NCAM2: variants seen among roughly 807,000 people sequenced by gnomAD.
The protein encoded by NCAM2 is neural cell adhesion molecule 2, also known as N-CAM-2.
Under a neutral mutation model 98.1 loss-of-function variants are expected in NCAM2, and 30 were observed. The observed-to-expected ratio is 0.31, with a 90% CI of 0.23 to 0.41. The LOEUF is 0.41. Among genes scored for constraint, NCAM2 ranks in the 10% least tolerant of loss-of-function variants. The pLI, the probability that NCAM2 is intolerant of heterozygous loss-of-function variation, is 1.00. For missense variants in NCAM2, 867 were observed against 1,005.8 expected (o/e 0.86, Z 1.87); for synonymous variants, 368 against 342.4 (o/e 1.07, Z -0.83).
chr21:21,031,777 A>C (rs546850674), intron 1 of NCAM2, among the ~76,000 whole-genome samples: 2 of 148,740 alleles, frequency 1.3e-5, no homozygotes, highest in East Asian at 2.0e-4. Context: ...CTCTCGATAT[A>C]TCTCTCTCTC....
chr21:21,350,303 T>C (rs1244635642), intron 8 of NCAM2, among the ~76,000 whole-genome samples: 2 of 152,170 alleles, frequency 1.3e-5, no homozygotes, highest in African/African-American at 4.8e-5. Context: ...ATAAATATTT[T>C]CAGAGTTCAT....
At chr21:21,136,738 G>A (rs1446066566) in intron 1 of NCAM2, among the ~76,000 whole-genome samples, 1 of 151,572 alleles carries the variant, frequency 6.6e-6, no homozygotes, top group Non-Finnish European at 1.5e-5. Flanking sequence ...AAAGTGCTAG[G>A]ATTACAAGCA....
At chr21:21,143,571 T>G (rs1338098564) in intron 1 of NCAM2, among the ~76,000 whole-genome samples, 1 of 152,202 alleles carries the variant, frequency 6.6e-6, no homozygotes. Flanking sequence ...CATTTCAGTC[T>G]GGTCCTTTTG....
chr21:21,471,273 GTCTCT>G (rs1002346009), intron 14 of NCAM2, among the ~76,000 whole-genome samples: 4 of 151,770 alleles, frequency 2.6e-5, no homozygotes, highest in Admixed American at 2.6e-4. Flanking sequence ...TTTTGTTGTT[GTCTCT>G]TCTCTTCTCC....
At chr21:21,306,022 C>A (rs1262677815) in intron 5 of NCAM2, among the ~76,000 whole-genome samples, 2 of 152,090 alleles carry the variant, frequency 1.3e-5, no homozygotes, top group East Asian at 3.9e-4. Flanking sequence ...TAGAAGTATG[C>A]ACTTAGCTTC....
intron 1 of NCAM2, among the ~76,000 whole-genome samples, chr21:21,032,139 ATTAG>A (rs1319032757): frequency 6.6e-6 from 1 of 152,070 alleles, no homozygotes; most frequent in East Asian, 1.9e-4. Flanking sequence ...AGCCTTTTTA[ATTAG>A]TTATTTAGAA....
intron 1 of NCAM2, among the ~76,000 whole-genome samples, chr21:21,197,743 G>A (rs1404977008): frequency 2.0e-5 from 3 of 152,152 alleles, no homozygotes; most frequent in Non-Finnish European, 4.4e-5. Flanking sequence ...TATGGCCAAC[G>A]AGTTGAGAAT....
chr21:21,055,255 A>G (rs897440754), intron 1 of NCAM2, among the ~76,000 whole-genome samples: 1 of 152,016 alleles, frequency 6.6e-6, no homozygotes, highest in African/African-American at 2.4e-5. Context: ...ATTGTCTCCA[A>G]AACACTTAAA....
At chr21:21,524,534 A>G (rs1183236507) in intron 16 of NCAM2, among the ~76,000 whole-genome samples, 1 of 152,072 alleles carries the variant, frequency 6.6e-6, no homozygotes, top group Non-Finnish European at 1.5e-5. Flanking sequence ...CTGTAACAAA[A>G]AAAAAGGGGG....
At chr21:21,356,987 C>CAGTA (rs111233511) in intron 8 of NCAM2, among the ~76,000 whole-genome samples, 3 of 145,052 alleles carry the variant, frequency 2.1e-5, no homozygotes, top group East Asian at 4.1e-4. Context: ...GAAACTCCAT[C>CAGTA]AATAAATAAA....
chr21:21,011,638 A>G (rs1033614795), intron 1 of NCAM2, among the ~76,000 whole-genome samples: 1 of 152,122 alleles, frequency 6.6e-6, no homozygotes, highest in Non-Finnish European at 1.5e-5. Context: ...ATTTTTAACT[A>G]TAGTCACCGT....
intron 8 of NCAM2, among the ~76,000 whole-genome samples, chr21:21,370,801 A>G (rs1050770350): frequency 6.6e-6 from 1 of 151,904 alleles, no homozygotes; most frequent in East Asian, 1.9e-4. Context: ...TCAGCCTCAT[A>G]GTGATGTCAT....
At chr21:21,248,552 G>A (rs144934875) in intron 1 of NCAM2, among the ~76,000 whole-genome samples, 1,738 of 151,758 alleles carry the variant, frequency 0.011, 40 homozygotes, top group African/African-American at 0.039. Context: ...CGAGGCAAGC[G>A]GGTCACGAGG....
chr21:21,102,380 AT>A (rs1252348023), intron 1 of NCAM2, among the ~76,000 whole-genome samples: 1 of 151,954 alleles, frequency 6.6e-6, no homozygotes, highest in Admixed American at 6.6e-5. Context: ...ATGTAGTTTA[AT>A]TTTTTTAACT....
At chr21:21,418,125 A>G (rs757893999) in intron 10 of NCAM2, among the ~76,000 whole-genome samples, 20 of 152,056 alleles carry the variant, frequency 1.3e-4, no homozygotes, top group Non-Finnish European at 2.5e-4. Context: ...ATAAATATAT[A>G]CACATATATA....
chr21:21,363,066 C>A (rs1172054197), intron 8 of NCAM2, among the ~76,000 whole-genome samples: 3 of 152,166 alleles, frequency 2.0e-5, no homozygotes, highest in South Asian at 4.2e-4. Flanking sequence ...GTAGCATATT[C>A]ATTGATAAAC....
At chr21:21,427,960 G>A (rs989245217) in intron 11 of NCAM2, among the ~76,000 whole-genome samples, 7 of 152,116 alleles carry the variant, frequency 4.6e-5, no homozygotes, top group African/African-American at 1.7e-4. Context: ...AACAACACTC[G>A]CCGTCGTACT....
At chr21:21,299,704 A>C (rs1207894932) in intron 5 of NCAM2, among the ~76,000 whole-genome samples, 2 of 151,508 alleles carry the variant, frequency 1.3e-5, no homozygotes, top group Admixed American at 6.6e-5. Context: ...GACCTGCCTT[A>C]TTGCAAGATT....
At chr21:21,285,861 G>A (rs549792977) in intron 3 of NCAM2, among the ~76,000 whole-genome samples, 1 of 152,054 alleles carries the variant, frequency 6.6e-6, no homozygotes, top group African/African-American at 2.4e-5. Flanking sequence ...AAATGGAAAG[G>A]AATATTGCTA....
Sources: gnomAD v4.1 joint callset for allele counts (sites outside exome capture counted in the v4.1 genomes callset) on GRCh38, gnomAD v4.1.1 for gene constraint, MANE v1.5 for transcripts, NCBI Gene and HGNC (gene_info 2026-07-23, HGNC 2026-07-21) for gene names.